NELL1: variants seen among roughly 807,000 people sequenced by gnomAD.
The protein encoded by NELL1 is protein kinase C-binding protein NELL1.
A neutral mutation model predicts 107.4 loss-of-function variants in NELL1; 76 were observed. The ratio of observed to expected loss-of-function variants is 0.71; its 90% confidence interval spans 0.59 to 0.86. The LOEUF (loss-of-function observed/expected upper bound fraction) is 0.86. NELL1 is among the 40% of genes least tolerant of loss of function. The probability of loss-of-function intolerance (pLI) is 0.00; values close to 1 mark genes in which losing one functional copy is unlikely to be tolerated. For synonymous variants in NELL1, 353 were observed against 341.2 expected, an observed-to-expected ratio of 1.03 and a Z score of -0.38; for missense variants, 1,024 against 1,005.5, an observed-to-expected ratio of 1.02 and a Z score of -0.25.
intron 12 of NELL1, among the ~76,000 whole-genome samples, chr11:21,098,668 G>T (rs1854715862): frequency 6.6e-6 from 1 of 152,128 alleles, no homozygotes; most frequent in African/African-American, 2.4e-5. Flanking sequence ...GGTGCTCCAG[G>T]GTCACAGGTG....
chr11:21,167,247 C>T (rs893458184), intron 13 of NELL1, among the ~76,000 whole-genome samples: 1 of 151,764 alleles, frequency 6.6e-6, no homozygotes, highest in Non-Finnish European at 1.5e-5. Context: ...TGTGAGAAGC[C>T]ACATACTTTT....
intron 14 of NELL1, among the ~76,000 whole-genome samples, chr11:21,262,064 T>C (rs746190634): frequency 1.3e-5 from 2 of 151,938 alleles, no homozygotes; most frequent in Non-Finnish European, 2.9e-5. Flanking sequence ...TTTTCTTTCT[T>C]GCATAGCTCT....
At chr11:20,808,891 T>C (rs1857441314) in intron 3 of NELL1, among the ~76,000 whole-genome samples, 1 of 152,318 alleles carries the variant, frequency 6.6e-6, no homozygotes, top group East Asian at 1.9e-4. Flanking sequence ...GGTCAGCAAT[T>C]CAAGACTGTC....
intron 12 of NELL1, among the ~76,000 whole-genome samples, chr11:21,085,619 C>G (rs1020060012): frequency 3.3e-5 from 5 of 151,902 alleles, no homozygotes; most frequent in Non-Finnish European, 7.4e-5. Context: ...CTGGGTGAGA[C>G]TTTGTCTATT....
chr11:20,755,912 A>G (rs1856274193), intron 2 of NELL1, among the ~76,000 whole-genome samples: 1 of 98,418 alleles, frequency 1.0e-5, no homozygotes, highest in African/African-American at 4.3e-5. Flanking sequence ...TTTTTTTATG[A>G]GACGGAGTCT....
At chr11:21,038,927 A>T (rs1853160724) in intron 12 of NELL1, among the ~76,000 whole-genome samples, 1 of 152,136 alleles carries the variant, frequency 6.6e-6, no homozygotes, top group Non-Finnish European at 1.5e-5. Flanking sequence ...TTCTCTTTGA[A>T]GGAAGTAGTG....
At chr11:21,333,980 A>G (rs1850328614) in intron 14 of NELL1, among the ~76,000 whole-genome samples, 1 of 152,050 alleles carries the variant, frequency 6.6e-6, no homozygotes, top group South Asian at 2.1e-4. Context: ...TTGGGTTGGA[A>G]CACACAATTA....
chr11:20,755,039 C>T (rs558449524), intron 2 of NELL1, among the ~76,000 whole-genome samples: 69 of 152,300 alleles, frequency 4.5e-4, no homozygotes, highest in African/African-American at 1.6e-3. Context: ...CTTCCCCAAC[C>T]CCAAGCCACA....
At chr11:20,903,353 CA>C (rs35972859) in intron 5 of NELL1, among the ~76,000 whole-genome samples, 1 of 151,988 alleles carries the variant, frequency 6.6e-6, no homozygotes, top group African/African-American at 2.4e-5. Context: ...TAATGAAGGG[CA>C]ATGACTGGTT....
At chr11:20,990,304 A>C (rs1037092398) in intron 12 of NELL1, among the ~76,000 whole-genome samples, 1 of 152,062 alleles carries the variant, frequency 6.6e-6, no homozygotes, top group East Asian at 1.9e-4. Context: ...CCTTTTCTTA[A>C]TAGCGTGCCT....
chr11:21,510,700 A>G (rs906126256), intron 15 of NELL1, among the ~76,000 whole-genome samples: 1 of 152,036 alleles, frequency 6.6e-6, no homozygotes, highest in African/African-American at 2.4e-5. Context: ...GAACTCTATT[A>G]AGAGTTCCTT....
At chr11:20,700,551 C>T (rs749061541) in intron 2 of NELL1, among the ~76,000 whole-genome samples, 2 of 151,928 alleles carry the variant, frequency 1.3e-5, no homozygotes, top group African/African-American at 2.4e-5. Context: ...GATACATGTG[C>T]ACAACATGCA....
At chr11:20,841,447 T>G (rs1053673027) in intron 3 of NELL1, among the ~76,000 whole-genome samples, 25 of 151,982 alleles carry the variant, frequency 1.6e-4, no homozygotes, top group Non-Finnish European at 3.4e-4. Context: ...TGGCTACATC[T>G]GCTACACTTA....
At chr11:20,905,573 A>G (rs189177770) in intron 5 of NELL1, among the ~76,000 whole-genome samples, 5 of 152,292 alleles carry the variant, frequency 3.3e-5, no homozygotes, top group Non-Finnish European at 5.9e-5. Flanking sequence ...GAGAATATCA[A>G]TGAAGAGATA....
chr11:20,998,981 C>A (rs571569438), intron 12 of NELL1, among the ~76,000 whole-genome samples: 1 of 152,254 alleles, frequency 6.6e-6, no homozygotes, highest in Non-Finnish European at 1.5e-5. Flanking sequence ...GCAGCAAATG[C>A]AACTTGGACA....
Position 20,865,730 on chromosome 11 carries a change from A to G in NELL1, c.506+17977A>G, listed in dbSNP as rs1191897917. Among the ~76,000 whole-genome samples, 9 of 152,158 alleles carry G rather than the reference A, an allele frequency of 5.9e-5. 1 individual carries two copies. The South Asian group carries it at 1.9e-3, about 32-fold the overall frequency. ...GCTTCCTTGCTCTTTAATGCCAGAA[A>G]GGGAAGAGCTTTTCCCATCTTCTTT... On this transcript the variant is annotated intron_variant, in intron 4 of 19. Coordinates refer to ENST00000357134, the MANE Select transcript of NELL1 (RefSeq NM_006157.5).
chr11:21,141,227 G>T (rs1855859678), intron 13 of NELL1, among the ~76,000 whole-genome samples: 1 of 152,072 alleles, frequency 6.6e-6, no homozygotes, highest in Non-Finnish European at 1.5e-5. Context: ...AAGTGCAAAA[G>T]AAATAGAATA....
At chr11:20,685,530 A>G (rs561676155) in intron 2 of NELL1, among the ~76,000 whole-genome samples, 1 of 152,202 alleles carries the variant, frequency 6.6e-6, no homozygotes, top group East Asian at 1.9e-4. Flanking sequence ...GATAGCAACT[A>G]TCAAGCTACT....
At chr11:20,690,733 T>G (rs1445263458) in intron 2 of NELL1, among the ~76,000 whole-genome samples, 1 of 152,046 alleles carries the variant, frequency 6.6e-6, no homozygotes, top group Non-Finnish European at 1.5e-5. Context: ...TCCAGCTTTG[T>G]TCTTTTGGCT....
Sources: gnomAD v4.1 joint callset for allele counts (sites outside exome capture counted in the v4.1 genomes callset) on GRCh38, gnomAD v4.1.1 for gene constraint, MANE v1.5 for transcripts, NCBI Gene and HGNC (gene_info 2026-07-23, HGNC 2026-07-21) for gene names.